RIMS2: variants seen among roughly 807,000 people sequenced by gnomAD.
RIMS2 encodes the protein regulating synaptic membrane exocytosis protein 2.
Under a neutral mutation model 174.4 loss-of-function variants are expected in RIMS2, and 59 were observed. That is an observed-to-expected ratio of 0.34 (90% CI 0.27 to 0.42). The LOEUF is 0.42. Among genes scored for constraint, RIMS2 ranks in the 10% least tolerant of loss-of-function variants. The pLI is 1.00. For synonymous variants in RIMS2, 606 were observed against 572.5 expected (o/e 1.06, Z -0.84); for missense variants, 1,620 against 1,666.3 (o/e 0.97, Z 0.48).
At chr8:103,612,619 C>A (rs1318424141) in intron 1 of RIMS2, among the ~76,000 whole-genome samples, 1 of 152,158 alleles carries the variant, frequency 6.6e-6, no homozygotes, top group African/African-American at 2.4e-5. Context: ...TGTGCTGTCA[C>A]CCAGGCTGGA....
intron 16 of RIMS2, among the ~76,000 whole-genome samples, chr8:103,989,073 T>C (rs983403245): frequency 6.6e-6 from 1 of 152,248 alleles, no homozygotes; most frequent in Admixed American, 6.5e-5. Context: ...ATCCCCACTG[T>C]TATTAGTTTA....
rs759996322 is a variant in RIMS2, at chr8:103,652,707, A to G, written c.177-44379A>G. The G allele has an allele frequency of 5.2e-6, 7 of 1,344,902 alleles. No individual in the cohort carries two copies. In the African/African-American group the frequency reaches 1.0e-4, roughly 20 times the overall value. 83.3% of individuals were successfully genotyped at this position (1,344,902 alleles called of 1,614,324 possible). ...AAACAACAAAATGAAAAGGAGCCCCAGACGTAAGTAAGCTGATCTATATAG... is the reference window on the plus strand; with the variant it reads ...AAACAACAAAATGAAAAGGAGCCCCGGACGTAAGTAAGCTGATCTATATAG... On this transcript the variant is annotated intron_variant, in intron 1 of 23. Transcript: ENST00000504942.
chr8:103,513,539 A>G (rs1376960993), intron 1 of RIMS2, among the ~76,000 whole-genome samples: 4 of 152,200 alleles, frequency 2.6e-5, no homozygotes. Flanking sequence ...TCTCTCGTGA[A>G]ACATATGAAT....
intron 16 of RIMS2, among the ~76,000 whole-genome samples, chr8:103,977,968 T>A (rs1372283049): frequency 2.6e-5 from 4 of 152,220 alleles, no homozygotes; most frequent in African/African-American, 9.6e-5. Flanking sequence ...GGTCAGTAGG[T>A]GGGGCTGAAA....
intron 19 of RIMS2, among the ~76,000 whole-genome samples, chr8:104,021,683 C>T (rs1219401411): frequency 6.6e-6 from 1 of 152,176 alleles, no homozygotes; most frequent in Non-Finnish European, 1.5e-5. Flanking sequence ...ACTTTCACAT[C>T]TTTTACCTTC....
intron 19 of RIMS2, among the ~76,000 whole-genome samples, chr8:104,117,641 C>A (rs1422925299): frequency 1.3e-5 from 2 of 152,082 alleles, no homozygotes; most frequent in Admixed American, 6.6e-5. Context: ...CACACCTAGC[C>A]AAAAATTTAT....
At chr8:104,104,654 C>T (rs777468197) in intron 19 of RIMS2, among the ~76,000 whole-genome samples, 1 of 152,006 alleles carries the variant, frequency 6.6e-6, no homozygotes. Flanking sequence ...GCCTGTAATC[C>T]GAGCACTTTG....
chr8:103,763,623 G>A (rs535438001), intron 2 of RIMS2, among the ~76,000 whole-genome samples: 1 of 152,098 alleles, frequency 6.6e-6, no homozygotes, highest in Non-Finnish European at 1.5e-5. Context: ...AAAGGAACAA[G>A]CAGTGTGCAT....
intron 19 of RIMS2, among the ~76,000 whole-genome samples, chr8:104,103,780 C>CAATT (rs1426593526): frequency 2.6e-5 from 4 of 152,032 alleles, no homozygotes; most frequent in African/African-American, 9.7e-5. Context: ...TGAAGATTCT[C>CAATT]AATTAATAAT....
chr8:103,768,667 C>A, intron 3 of RIMS2: 1 of 805,684 alleles, frequency 1.2e-6, no homozygotes, highest in Non-Finnish European at 2.2e-6. Context: ...TACTACGATG[C>A]CTCATCACCT....
intron 17 of RIMS2, among the ~76,000 whole-genome samples, chr8:103,995,937 A>G (rs1452648417): frequency 6.6e-6 from 1 of 151,976 alleles, no homozygotes; most frequent in Non-Finnish European, 1.5e-5. Flanking sequence ...GAATGTGAAA[A>G]ATGAGGAAAT....
chr8:104,012,359 T>C (rs1035359739), intron 17 of RIMS2, among the ~76,000 whole-genome samples: 2 of 148,906 alleles, frequency 1.3e-5, no homozygotes, highest in Admixed American at 6.7e-5. Flanking sequence ...TTTTTCTTTT[T>C]TTTTTTTTTA....
intron 1 of RIMS2, among the ~76,000 whole-genome samples, chr8:103,569,666 A>G (rs1261719476): frequency 6.6e-6 from 1 of 151,442 alleles, no homozygotes; most frequent in African/African-American, 2.4e-5. Flanking sequence ...CTCAAGCTAG[A>G]ATATAGTGGT....
chr8:103,774,111 C>T (rs1404891352), intron 3 of RIMS2, among the ~76,000 whole-genome samples: 1 of 152,158 alleles, frequency 6.6e-6, no homozygotes, highest in Admixed American at 6.5e-5. Flanking sequence ...CACTGCACTC[C>T]AGCCTGGGTG....
At chr8:104,018,320 C>G (rs1167329065) in intron 19 of RIMS2, among the ~76,000 whole-genome samples, 1 of 152,206 alleles carries the variant, frequency 6.6e-6, no homozygotes, top group East Asian at 1.9e-4. Flanking sequence ...TGATTGTTTT[C>G]AAATATGACT....
At chr8:103,542,775 TG>T (rs1843113714) in intron 1 of RIMS2, among the ~76,000 whole-genome samples, 1 of 152,146 alleles carries the variant, frequency 6.6e-6, no homozygotes, top group Non-Finnish European at 1.5e-5. Context: ...AAAAATCATA[TG>T]GTCATCTCAA....
At chr8:104,196,041 A>G (rs1035193576) in intron 19 of RIMS2, among the ~76,000 whole-genome samples, 12 of 152,196 alleles carry the variant, frequency 7.9e-5, no homozygotes, top group Non-Finnish European at 1.6e-4. Flanking sequence ...TGACTATAAC[A>G]TGAAGCACAG....
At chr8:103,561,611 A>G (rs1236265262) in intron 1 of RIMS2, among the ~76,000 whole-genome samples, 1 of 152,236 alleles carries the variant, frequency 6.6e-6, no homozygotes, top group Non-Finnish European at 1.5e-5. Flanking sequence ...CATCAAAACT[A>G]GAGCAACAAA....
At chr8:103,677,767 T>G (rs1169016109) in intron 1 of RIMS2, among the ~76,000 whole-genome samples, 1 of 151,870 alleles carries the variant, frequency 6.6e-6, no homozygotes, top group East Asian at 1.9e-4. Context: ...CAGAACAGAG[T>G]CAGAGAGACT....
Sources: gnomAD v4.1 joint callset for allele counts (sites outside exome capture counted in the v4.1 genomes callset) on GRCh38, gnomAD v4.1.1 for gene constraint, MANE v1.5 for transcripts, NCBI Gene and HGNC (gene_info 2026-07-23, HGNC 2026-07-21) for gene names.